Variants in DIAPH3 observed in about 807,000 individuals in gnomAD.
The protein encoded by DIAPH3 is protein diaphanous homolog 3.
Under a neutral mutation model 144.3 loss-of-function variants are expected in DIAPH3, and 117 were observed. The ratio of observed to expected loss-of-function variants is 0.81; its 90% CI spans 0.70 to 0.95. The LOEUF (loss-of-function observed/expected upper bound fraction) is 0.95, where lower values mean the gene tolerates loss of function less well. Ranked by LOEUF, DIAPH3 falls within the 40% of genes least tolerant of loss-of-function variation. DIAPH3 has a pLI of 0.00. For synonymous variants in DIAPH3, 519 were observed against 488.9 expected, an observed-to-expected ratio of 1.06 and a Z score of -0.81; for missense variants, 1,421 against 1,412.7, an observed-to-expected ratio of 1.01 and a Z score of -0.09.
At chr13:60,018,049 C>A (rs2053772197) in intron 5 of DIAPH3, among the ~76,000 whole-genome samples, 1 of 152,280 alleles carries the variant, frequency 6.6e-6, no homozygotes, top group East Asian at 1.9e-4. Context: ...GAGGAGAAAT[C>A]TGAGAGTTTT....
intron 27 of DIAPH3, among the ~76,000 whole-genome samples, chr13:59,684,195 G>A (rs73542567): frequency 6.2e-4 from 95 of 152,290 alleles, no homozygotes; most frequent in African/African-American, 2.3e-3. Flanking sequence ...TTTATGGGAT[G>A]CAAGGTTGGG....
At chr13:59,959,296 A>G (rs1003354952) in intron 17 of DIAPH3, among the ~76,000 whole-genome samples, 2 of 152,230 alleles carry the variant, frequency 1.3e-5, no homozygotes, top group African/African-American at 2.4e-5. Context: ...ACATAACACA[A>G]ATATGTTCAT....
At chr13:60,080,161 T>C (rs1455612513) in intron 4 of DIAPH3, among the ~76,000 whole-genome samples, 1 of 151,956 alleles carries the variant, frequency 6.6e-6, no homozygotes, top group Non-Finnish European at 1.5e-5. Context: ...AGAAAAAATA[T>C]ATTGTATTTT....
intron 27 of DIAPH3, among the ~76,000 whole-genome samples, chr13:59,763,311 T>C (rs536898842): frequency 3.9e-4 from 59 of 152,150 alleles, no homozygotes; most frequent in South Asian, 1.0e-3. Flanking sequence ...TACATGTGTA[T>C]ATATGTATAT....
rs555300773 is a variant in DIAPH3, at chr13:60,074,433, C to T, written c.495+19195G>A. Among the ~76,000 whole-genome samples, 11 of 152,242 alleles carry T rather than the reference C, an allele frequency of 7.2e-5. No homozygotes were observed. The South Asian group carries it at 2.3e-3, about 32-fold the overall frequency. On this transcript the variant is annotated intron_variant, in intron 4 of 27. Transcript: ENST00000400324. ...ACCACTCCAGAAGATTGACGTGATC[C>T]GAGGGATGGCTGCCCTTCCTATTCC...
intron 17 of DIAPH3, among the ~76,000 whole-genome samples, chr13:59,959,646 C>T (rs1161962522): frequency 6.6e-6 from 1 of 152,166 alleles, no homozygotes; most frequent in South Asian, 2.1e-4. Flanking sequence ...AAGGAGGCCA[C>T]AAGCTGAGGA....
In DIAPH3 at chr13:59,823,586, A is replaced by G. The variant is rs2041197480; in HGVS notation, c.3027+9521T>C. Among the ~76,000 whole-genome samples, 4 of 152,198 alleles carry G rather than the reference A, an allele frequency of 2.6e-5. No individual in the cohort carries two copies. The South Asian group carries it at 8.3e-4, about 31-fold the overall frequency. The stretch of plus-strand genomic sequence containing the variant: ...TATTAAAATTGCAAAAGCTGGCTCA[A>G]CACTCGACCATAGGACTTGTACATG... On this transcript the variant is annotated intron_variant, in intron 24 of 27. Transcript: ENST00000400324.
At chr13:59,901,882 T>C (rs952664217) in intron 20 of DIAPH3, among the ~76,000 whole-genome samples, 8 of 152,182 alleles carry the variant, frequency 5.3e-5, no homozygotes, top group African/African-American at 1.7e-4. Flanking sequence ...CAGGCTGAAG[T>C]GCAGTGGCAC....
intron 27 of DIAPH3, among the ~76,000 whole-genome samples, chr13:59,698,660 A>G (rs2033943835): frequency 6.6e-6 from 1 of 152,246 alleles, no homozygotes; most frequent in African/African-American, 2.4e-5. Context: ...ACCAAAAGGA[A>G]TAGCACAATA....
intron 4 of DIAPH3, among the ~76,000 whole-genome samples, chr13:60,060,857 T>C (rs1170949130): frequency 6.6e-6 from 1 of 152,118 alleles, no homozygotes; most frequent in Non-Finnish European, 1.5e-5. Flanking sequence ...TATAAATTCA[T>C]AATTTCTAGG....
At chr13:59,908,393 A>AAAAAAAAAAAAAAAAAAAAG (rs1555331342) in intron 20 of DIAPH3, among the ~76,000 whole-genome samples, 1 of 111,244 alleles carries the variant, frequency 9.0e-6, no homozygotes, top group African/African-American at 3.1e-5. Context: ...AAAAAAAAAA[A>AAAAAAAAAAAAAAAAAAAAG]AGTAAGACAT....
At chr13:60,043,813 C>T (rs959847251) in intron 4 of DIAPH3, among the ~76,000 whole-genome samples, 4 of 151,922 alleles carry the variant, frequency 2.6e-5, no homozygotes, top group South Asian at 2.1e-4. Flanking sequence ...CATAAAATAA[C>T]GAAAATGCAT....
rs79170929 is a variant in DIAPH3 at position 59,881,803 on chromosome 13, C to T, written c.2368-2335G>A. ...TGTAACCTAAAAACAAAGCTTTGAA[C>T]AACACTTAAAAAAAAAATTAGATGT... On this transcript the variant is annotated intron_variant, in intron 20 of 27. Transcript: ENST00000400324. Among the ~76,000 whole-genome samples, 1,402 of 151,888 alleles carry T rather than the reference C, an allele frequency of 9.2e-3. 8 individuals carry two copies. The highest frequency in any genetic ancestry group is 0.022 in the South Asian group (108 of 4,808).
intron 25 of DIAPH3, among the ~76,000 whole-genome samples, chr13:59,777,588 AT>A (rs2038489273): frequency 6.6e-6 from 1 of 152,170 alleles, no homozygotes; most frequent in Non-Finnish European, 1.5e-5. Flanking sequence ...AAATAATCAA[AT>A]TTGACATTAC....
chr13:60,073,370 A>G (rs1242381474), intron 4 of DIAPH3, among the ~76,000 whole-genome samples: 3 of 152,156 alleles, frequency 2.0e-5, no homozygotes, highest in Admixed American at 6.5e-5. Context: ...AGCAAGAATT[A>G]TAACTGGGTG....
At chr13:60,013,621 T>C (rs1300767120) in intron 7 of DIAPH3, among the ~76,000 whole-genome samples, 2 of 152,210 alleles carry the variant, frequency 1.3e-5, no homozygotes, top group East Asian at 1.9e-4. Context: ...TTATAAGAAA[T>C]TCACTTTCAT....
intron 20 of DIAPH3, among the ~76,000 whole-genome samples, chr13:59,911,491 A>G (rs1876129773): frequency 6.6e-6 from 1 of 152,216 alleles, no homozygotes; most frequent in Admixed American, 6.5e-5. Flanking sequence ...CATTAAATAG[A>G]GAGCAAAAAA....
At chr13:59,806,326 G>A (rs17057366) in intron 25 of DIAPH3, among the ~76,000 whole-genome samples, 6,476 of 151,912 alleles carry the variant, frequency 0.043, 232 homozygotes, top group South Asian at 0.11. Flanking sequence ...TAACACCTGC[G>A]AAGAAAAATT....
At chr13:59,743,074 G>A (rs2036540300) in intron 27 of DIAPH3, among the ~76,000 whole-genome samples, 1 of 152,142 alleles carries the variant, frequency 6.6e-6, no homozygotes, top group Non-Finnish European at 1.5e-5. Flanking sequence ...AATAAGCCTA[G>A]GAGGCACAAA....
Sources: gnomAD v4.1 joint callset for allele counts (sites outside exome capture counted in the v4.1 genomes callset) on GRCh38, gnomAD v4.1.1 for gene constraint, MANE v1.5 for transcripts, NCBI Gene and HGNC (gene_info 2026-07-23, HGNC 2026-07-21) for gene names.